The following NLGN1 variants were observed in gnomAD, a reference collection of about 807,000 sequenced individuals.
NLGN1 encodes neuroligin-1.
NLGN1 carries 12 observed loss-of-function variants against 65.5 expected under a neutral mutation model. The observed-to-expected ratio is 0.18, with a 90% CI of 0.12 to 0.30. NLGN1 has a LOEUF of 0.30. NLGN1 is among the 10% of genes least tolerant of loss of function. The pLI, the probability that NLGN1 is intolerant of heterozygous loss-of-function variation, is 1.00. For synonymous variants in NLGN1, 350 were observed against 359.5 expected (o/e 0.97, Z 0.30); for missense variants, 750 against 1,007.1 (o/e 0.74, Z 3.46).
intron 1 of NLGN1, among the ~76,000 whole-genome samples, chr3:173,421,271 C>A (rs996312165): frequency 6.6e-6 from 1 of 151,834 alleles, no homozygotes; most frequent in Non-Finnish European, 1.5e-5. Context: ...TTAGAATTTG[C>A]AAGAGTACAA....
intron 4 of NLGN1, among the ~76,000 whole-genome samples, chr3:174,250,132 T>C (rs1322061386): frequency 6.6e-6 from 1 of 152,200 alleles, no homozygotes; most frequent in Non-Finnish European, 1.5e-5. Context: ...ACAAAGCCCT[T>C]AAGTATTACT....
intron 4 of NLGN1, among the ~76,000 whole-genome samples, chr3:174,104,790 C>T (rs1713350037): frequency 6.6e-6 from 1 of 151,938 alleles, no homozygotes; most frequent in African/African-American, 2.4e-5. Context: ...TGCAAGTCAG[C>T]AGGGTTAGGG....
chr3:173,992,692 T>C (rs964022814), intron 4 of NLGN1, among the ~76,000 whole-genome samples: 3 of 152,142 alleles, frequency 2.0e-5, no homozygotes, highest in African/African-American at 7.2e-5. Flanking sequence ...CACTCTAGGG[T>C]ATGTAATGTT....
intron 3 of NLGN1, among the ~76,000 whole-genome samples, chr3:173,807,052 T>G (rs1318004636): frequency 6.6e-6 from 1 of 152,198 alleles, no homozygotes; most frequent in African/African-American, 2.4e-5. Context: ...TCTAATGACA[T>G]TTCCCTAAAT....
chr3:173,757,086 T>C (rs1003360550), intron 3 of NLGN1, among the ~76,000 whole-genome samples: 7 of 152,002 alleles, frequency 4.6e-5, no homozygotes, highest in African/African-American at 1.7e-4. Flanking sequence ...ATATCTTCGT[T>C]GTAAAAGAAT....
chr3:173,670,858 TTAAGCATCTATTATAC>T (rs1469960231), intron 3 of NLGN1, among the ~76,000 whole-genome samples: 3 of 152,170 alleles, frequency 2.0e-5, no homozygotes, highest in African/African-American at 7.2e-5. Flanking sequence ...AGGCTAAAAG[TTAAGCATCTATTATAC>T]TATAAATCCA....
At chr3:174,216,604 G>A (rs140574443) in intron 4 of NLGN1, among the ~76,000 whole-genome samples, 1 of 152,194 alleles carries the variant, frequency 6.6e-6, no homozygotes, top group East Asian at 1.9e-4. Context: ...ACAAGAGCAA[G>A]TATCTACCAG....
At chr3:174,155,064 ATATT>A (rs1476635683) in intron 4 of NLGN1, among the ~76,000 whole-genome samples, 3 of 126,588 alleles carry the variant, frequency 2.4e-5, no homozygotes, top group Non-Finnish European at 4.7e-5. Context: ...TTAATATAAA[ATATT>A]TATATTATTT....
intron 4 of NLGN1, among the ~76,000 whole-genome samples, chr3:173,827,794 T>G (rs1417308740): frequency 6.6e-6 from 1 of 151,940 alleles, no homozygotes; most frequent in Non-Finnish European, 1.5e-5. Context: ...AGTGTGAGTC[T>G]TACGGCCAAG....
At chr3:173,733,152 C>T (rs755351472) in intron 3 of NLGN1, among the ~76,000 whole-genome samples, 7 of 152,010 alleles carry the variant, frequency 4.6e-5, no homozygotes, top group Non-Finnish European at 8.8e-5. Context: ...TTGCTTCATT[C>T]CTATGAAAAC....
intron 1 of NLGN1, among the ~76,000 whole-genome samples, chr3:173,425,749 T>G (rs1715976452): frequency 6.6e-6 from 1 of 152,214 alleles, no homozygotes; most frequent in South Asian, 2.1e-4. Context: ...GTAGTATACT[T>G]TGAAGTCAGG....
At chr3:174,129,318 TG>T (rs1372351511) in intron 4 of NLGN1, among the ~76,000 whole-genome samples, 1 of 151,108 alleles carries the variant, frequency 6.6e-6, no homozygotes, top group African/African-American at 2.4e-5. Flanking sequence ...ACTCACCACC[TG>T]TTGCTATATC....
intron 2 of NLGN1, among the ~76,000 whole-genome samples, chr3:173,492,258 C>G (rs574574776): frequency 1.3e-5 from 2 of 151,940 alleles, no homozygotes; most frequent in South Asian, 4.1e-4. Context: ...TGTGTTATTA[C>G]TAGGAATATG....
intron 3 of NLGN1, among the ~76,000 whole-genome samples, chr3:173,758,562 A>G (rs1188379675): frequency 6.6e-6 from 1 of 152,002 alleles, no homozygotes; most frequent in Non-Finnish European, 1.5e-5. Flanking sequence ...AGAAAATCCA[A>G]GCTGCTTACC....
chr3:173,570,393 C>G (rs1286588683), intron 2 of NLGN1, among the ~76,000 whole-genome samples: 1 of 152,138 alleles, frequency 6.6e-6, no homozygotes, highest in Non-Finnish European at 1.5e-5. Context: ...AGGGAAGTGG[C>G]CAGCTTGGAG....
At chr3:173,896,621 T>C (rs1736399164) in intron 4 of NLGN1, among the ~76,000 whole-genome samples, 1 of 152,222 alleles carries the variant, frequency 6.6e-6, no homozygotes, top group Admixed American at 6.5e-5. Flanking sequence ...TGGTGTATGC[T>C]TTATTAGCAT....
intron 3 of NLGN1, chr3:173,789,989 A>G (rs1712313866): frequency 7.2e-6 from 3 of 416,206 alleles, no homozygotes; most frequent in South Asian, 3.4e-5. Flanking sequence ...CTTTGTTGTC[A>G]TAACCATGCC....
rs1299279077 is a variant in NLGN1 at position 173,629,618 on chromosome 3, GTTAT to G, written c.493+24530_493+24533del. ...TAGGTCATAAAATATCCAGTGAAAG[GTTAT>G]TTGACACTTGGAAATCCTTAGACAA... On this transcript the variant is annotated intron_variant, in intron 3 of 6. Transcript: ENST00000457714. Among the ~76,000 whole-genome samples the G allele has an allele frequency of 3.9e-5, 6 of 152,144 alleles. No individual in the cohort carries two copies. In the East Asian group the frequency reaches 1.2e-3, roughly 29 times the overall value.
intron 2 of NLGN1, among the ~76,000 whole-genome samples, chr3:173,493,953 T>A (rs1729593907): frequency 6.6e-6 from 1 of 151,830 alleles, no homozygotes; most frequent in Non-Finnish European, 1.5e-5. Flanking sequence ...ATGGCTATCC[T>A]CAGATTCAGC....
Sources: gnomAD v4.1 joint callset for allele counts (sites outside exome capture counted in the v4.1 genomes callset) on GRCh38, gnomAD v4.1.1 for gene constraint, MANE v1.5 for transcripts, NCBI Gene and HGNC (gene_info 2026-07-23, HGNC 2026-07-21) for gene names.